The following VIL1 variants were observed in gnomAD, a reference collection of about 807,000 sequenced individuals.
VIL1 encodes the protein villin 1.
VIL1 carries 86 observed loss-of-function variants against 104.0 expected under a neutral mutation model. The observed-to-expected ratio is 0.83, with a 90% CI of 0.69 to 0.99. The LOEUF is 0.99. VIL1 is among the 50% of genes least tolerant of loss of function. VIL1 has a pLI of 0.00. For missense variants in VIL1, 944 were observed against 1,054.1 expected (o/e 0.90, Z 1.45); for synonymous variants, 394 against 412.6 (o/e 0.95, Z 0.55).
intron 12 of VIL1, chr2:218,432,548 A>T (rs1289499721): frequency 1.4e-6 from 1 of 720,336 alleles, no homozygotes; most frequent in East Asian, 2.8e-5. Context: ...TTTGGGGTTA[A>T]GGCTGGGGTT....
At chr2:218,431,577 T>G (rs1689099114) in intron 10 of VIL1, among the ~76,000 whole-genome samples, 1 of 152,136 alleles carries the variant, frequency 6.6e-6, no homozygotes, top group Admixed American at 6.5e-5. Context: ...GCTTGAAGTC[T>G]GAATGCTGCA....
chr2:218,436,988 G>A, intron 16 of VIL1, 136 bp from the exon 17 acceptor site: 1 of 1,042,180 alleles, frequency 9.6e-7, no homozygotes, highest in South Asian at 1.6e-5. Context: ...GCCAGATGAT[G>A]CCTGCCCTAG....
In VIL1 at chr2:218,453,155, A is replaced by G. The variant is rs533511216; in HGVS notation, c.*3819A>G. On this transcript the variant is annotated 3_prime_UTR_variant, in exon 20 of 20. Transcript: ENST00000248444. ...ATGAAAACTTAGAATAGTTTACTAC[A>G]TTAGAATACATCCAAGTTCCAAGAG... 22 of 152,322 alleles carry G rather than the reference A, an allele frequency of 1.4e-4. No homozygotes were observed. In the East Asian group the frequency reaches 4.2e-3, roughly 29 times the overall value. The allele number at this position is 152,322 out of a possible 1,614,324, so 9.4% of individuals were successfully genotyped here.
At chr2:218,428,133 G>C in intron 5 of VIL1, 60 bp downstream of exon 5, 1 of 1,601,466 alleles carries the variant, frequency 6.2e-7, no homozygotes, top group Non-Finnish European at 8.6e-7. Context: ...GAGGGCAGGG[G>C]CTGAGGAGGG....
Position 218,430,996 on chromosome 2 carries a change from C to G in VIL1, c.1102+118C>G, listed in dbSNP as rs1373192694. The G allele has an allele frequency of 3.7e-6, 5 of 1,354,722 alleles. No individual in the cohort carries two copies. In the East Asian group the frequency reaches 7.6e-5, roughly 20 times the overall value. 83.9% of individuals were successfully genotyped at this position (1,354,722 alleles called of 1,614,324 possible). On this transcript the variant is annotated intron_variant, in intron 10 of 19. Transcript: ENST00000248444. ...TGCATCTTCAACGAAGACTTTTACG[C>G]TGGCTCTGGGCTTGTCCTAGCAGAT...
chr2:218,433,358 C>T (rs1689131895), intron 13 of VIL1, among the ~76,000 whole-genome samples: 1 of 151,996 alleles, frequency 6.6e-6, no homozygotes, highest in African/African-American at 2.4e-5. Flanking sequence ...TCTCTTCAAC[C>T]TGGGAGGCGG....
chr2:218,437,040 G>C, intron 16 of VIL1, 84 bp from the exon 17 acceptor site: 1 of 1,511,706 alleles, frequency 6.6e-7, no homozygotes, highest in Non-Finnish European at 9.0e-7. Flanking sequence ...CAAGGTCAGG[G>C]TTTCACTGTT....
rs557469307 is a variant in VIL1, at chr2:218,426,163, G to A, written c.347+352G>A. Among the ~76,000 whole-genome samples, 22 of 152,204 alleles carry A rather than the reference G, an allele frequency of 1.4e-4. No homozygotes were observed. The South Asian group carries it at 4.6e-3, about 32-fold the overall frequency. On this transcript the variant is annotated intron_variant, in intron 4 of 19. Coordinates refer to ENST00000248444, the MANE Select transcript of VIL1 (RefSeq NM_007127.3). ...CCTGGAGAGCTCAGTGCCTAATCAA[G>A]CCCCCCAACTCTGGCCAACGGGCAA... is the stretch of plus-strand genomic sequence containing the variant.
intron 19 of VIL1, among the ~76,000 whole-genome samples, chr2:218,442,302 G>A (rs1689298283): frequency 6.6e-6 from 1 of 152,142 alleles, no homozygotes; most frequent in Admixed American, 6.5e-5. Flanking sequence ...TATGTCCTTT[G>A]AGGTTTAGAT....
At chr2:218,426,837 C>T (rs1189798908) in intron 4 of VIL1, among the ~76,000 whole-genome samples, 4 of 150,868 alleles carry the variant, frequency 2.7e-5, no homozygotes, top group Non-Finnish European at 5.9e-5. Context: ...CTCCTGACCT[C>T]ATGATCTGCC....
At chr2:218,425,501 G>A in intron 3 of VIL1, 114 bp from the exon 4 acceptor site, 1 of 1,052,688 alleles carries the variant, frequency 9.5e-7, no homozygotes, top group Non-Finnish European at 1.4e-6. Flanking sequence ...TAGTGCACTT[G>A]CCCTGTGCCA....
chr2:218,428,141 G>C, intron 5 of VIL1, 68 bp downstream of exon 5: 11 of 1,598,202 alleles, frequency 6.9e-6, no homozygotes, highest in Non-Finnish European at 8.6e-6. Context: ...GGGCTGAGGA[G>C]GGGTGAGGGG....
intron 19 of VIL1, among the ~76,000 whole-genome samples, chr2:218,444,482 G>A (rs1270810946): frequency 6.6e-6 from 1 of 151,566 alleles, no homozygotes; most frequent in African/African-American, 2.4e-5. Context: ...GTTTCACTGT[G>A]TTAGCCAGGA....
intron 9 of VIL1, 116 bp downstream of exon 9, chr2:218,430,063 G>A: frequency 2.2e-6 from 2 of 926,752 alleles, no homozygotes; most frequent in South Asian, 1.6e-5. Flanking sequence ...GCCAGGCAGA[G>A]GCAGGGAAGG....
At chr2:218,427,252 C>A (rs911505930) in intron 4 of VIL1, among the ~76,000 whole-genome samples, 1 of 152,164 alleles carries the variant, frequency 6.6e-6, no homozygotes, top group Non-Finnish European at 1.5e-5. Flanking sequence ...GGAGTGGCAC[C>A]TCTCCATTCT....
intron 19 of VIL1, among the ~76,000 whole-genome samples, chr2:218,446,725 G>A (rs1689368150): frequency 6.6e-6 from 1 of 150,740 alleles, no homozygotes; most frequent in Admixed American, 6.6e-5. Flanking sequence ...TCAGTATGGT[G>A]CAGTGGAACA....
At position 218,449,334 on chromosome 2, in the gene VIL1, T is replaced by C. The variant is rs1689426602; in HGVS notation, c.2482T>C (p.Ter828ArgextTer3). The change falls in exon 20 of 20, where the codon TGA becomes CGA. Residue 828 changes from the stop codon to arginine, a stop_lost. Coordinates refer to ENST00000248444, the MANE Select transcript of VIL1 (RefSeq NM_007127.3). ...CCTCAAGAAAGAAAAAGGACTATTTTGAGAAGAGTAGCTGTGGTTGTAAAG... is the reference window on the plus strand; with the variant it reads ...CCTCAAGAAAGAAAAAGGACTATTTCGAGAAGAGTAGCTGTGGTTGTAAAG... Reference protein sequence around the residue: ...QNLKKEKGLF* With the variant: ...QNLKKEKGLFR The C allele has an allele frequency of 1.9e-6, 3 of 1,610,366 alleles. No individual in the cohort carries two copies. Among genetic ancestry groups the C allele is most frequent in the Non-Finnish European group, 2.5e-6 (3 of 1,176,664 alleles).
chr2:218,427,904 G>C (rs1689029954), intron 4 of VIL1, 61 bp from the exon 5 acceptor site: 1 of 1,525,326 alleles, frequency 6.6e-7, no homozygotes, highest in Non-Finnish European at 9.1e-7. Context: ...GGACCTGGGA[G>C]AACAGGGGCC....
chr2:218,419,418 TC>T (rs996408081), intron 1 of VIL1, among the ~76,000 whole-genome samples: 8 of 152,154 alleles, frequency 5.3e-5, no homozygotes, highest in Middle Eastern at 6.8e-3. Flanking sequence ...GCTAGCCCCA[TC>T]CCACTTTGGG....
Sources: gnomAD v4.1 joint callset for allele counts (sites outside exome capture counted in the v4.1 genomes callset) on GRCh38, gnomAD v4.1.1 for gene constraint, MANE v1.5 for transcripts, NCBI Gene and HGNC (gene_info 2026-07-23, HGNC 2026-07-21) for gene names.